Variants in MALRD1 observed in about 807,000 individuals in gnomAD.
The protein encoded by MALRD1 is MAM and LDL receptor class A domain containing 1.
A neutral mutation model predicts 242.1 loss-of-function variants in MALRD1; 247 were observed. That is an observed-to-expected ratio of 1.02 (90% CI 0.92 to 1.13). The LOEUF (loss-of-function observed/expected upper bound fraction) is 1.13, where lower values mean the gene tolerates loss of function less well. Among genes scored for constraint, MALRD1 ranks in the 50% most tolerant of loss-of-function variants. The pLI is 0.00. For missense variants in MALRD1, 2,989 were observed against 2,533.1 expected (o/e 1.18, Z -3.86); for synonymous variants, 995 against 866.6 (o/e 1.15, Z -2.60).
At chr10:19,605,523 C>G (rs59652336) in intron 34 of MALRD1, among the ~76,000 whole-genome samples, 1 of 144,722 alleles carries the variant, frequency 6.9e-6, no homozygotes, top group Admixed American at 7.0e-5. Flanking sequence ...GTGCTACTTC[C>G]TTATCCAACC....
At chr10:19,165,428 G>A (rs909592870) in intron 12 of MALRD1, among the ~76,000 whole-genome samples, 7 of 151,178 alleles carry the variant, frequency 4.6e-5, no homozygotes, top group Non-Finnish European at 7.4e-5. Context: ...TCAGCCTTCC[G>A]AATAGCTGGG....
At chr10:19,703,863 C>G (rs1164979022) in intron 38 of MALRD1, among the ~76,000 whole-genome samples, 1 of 151,806 alleles carries the variant, frequency 6.6e-6, no homozygotes, top group African/African-American at 2.4e-5. Flanking sequence ...CCACTGCACT[C>G]CAGTCTAGGT....
chr10:19,317,902 C>G (rs574383133), intron 21 of MALRD1, among the ~76,000 whole-genome samples: 1 of 152,026 alleles, frequency 6.6e-6, no homozygotes, highest in Non-Finnish European at 1.5e-5. Flanking sequence ...CACCTTGGAT[C>G]CTTACTTTTG....
intron 33 of MALRD1, among the ~76,000 whole-genome samples, chr10:19,580,031 T>A (rs186219570): frequency 6.6e-6 from 1 of 152,314 alleles, no homozygotes; most frequent in East Asian, 1.9e-4. Context: ...TATGTCAGAC[T>A]GGGAACTATA....
At chr10:19,502,021 A>G (rs1366647238) in intron 31 of MALRD1, among the ~76,000 whole-genome samples, 1 of 114,088 alleles carries the variant, frequency 8.8e-6, no homozygotes, top group Non-Finnish European at 1.7e-5. Flanking sequence ...TCAAAAAAAA[A>G]AAAAGAAAAG....
At chr10:19,127,780 T>C (rs1837328463) in intron 7 of MALRD1, among the ~76,000 whole-genome samples, 1 of 152,096 alleles carries the variant, frequency 6.6e-6, no homozygotes, top group African/African-American at 2.4e-5. Flanking sequence ...TAAGTTGTAT[T>C]TCCTAAAACT....
chr10:19,692,427 A>G, intron 37 of MALRD1, 31 bp from the exon 38 acceptor site: 2 of 1,532,260 alleles, frequency 1.3e-6, no homozygotes, highest in Non-Finnish European at 1.7e-6. Flanking sequence ...TTCACTGCAT[A>G]TTTATCTTTT....
rs1307284562 is a variant in MALRD1 at position 19,595,425 on chromosome 10, A to G, written c.5912A>G (p.Asp1971Gly). Residue 1971 changes from aspartate to glycine, a missense_variant, in exon 34 of 40, where the codon GAC becomes GGC. Asp to Gly is a moderately conservative substitution (Grantham distance 94). Coordinates refer to ENST00000454679, the MANE Select transcript of MALRD1 (RefSeq NM_001142308.3). ...PSLLLCDGVPDCHFNEDELIC... is the reference protein window; with the variant it reads ...PSLLLCDGVPGCHFNEDELIC... Reference sequence around the variant, plus strand: ...CTCCTGCTATGCGATGGAGTGCCCGACTGCCACTTTAATGAAGATGAGCTC... The same window carrying G: ...CTCCTGCTATGCGATGGAGTGCCCGGCTGCCACTTTAATGAAGATGAGCTC... 29 of 1,550,204 alleles carry G rather than the reference A, an allele frequency of 1.9e-5. No individual in the cohort carries two copies. The highest frequency in any genetic ancestry group is 2.4e-5 in the Non-Finnish European group (28 of 1,146,772).
intron 38 of MALRD1, among the ~76,000 whole-genome samples, chr10:19,712,817 A>G (rs1296809392): frequency 4.6e-5 from 7 of 152,182 alleles, no homozygotes; most frequent in African/African-American, 1.7e-4. Context: ...AGAAAAGACT[A>G]TTTTTAGAAG....
At chr10:19,495,588 G>A (rs1837678153) in intron 30 of MALRD1, among the ~76,000 whole-genome samples, 1 of 152,066 alleles carries the variant, frequency 6.6e-6, no homozygotes, top group African/African-American at 2.4e-5. Flanking sequence ...CCTTAAAAGA[G>A]CTTCTGAAGA....
intron 36 of MALRD1, among the ~76,000 whole-genome samples, chr10:19,625,145 A>G (rs1839594084): frequency 2.0e-5 from 3 of 152,222 alleles, no homozygotes; most frequent in Admixed American, 6.5e-5. Context: ...TAGAGTCCAG[A>G]TTCAAACCTA....
intron 28 of MALRD1, among the ~76,000 whole-genome samples, chr10:19,424,799 G>C (rs1833841250): frequency 6.6e-6 from 1 of 151,948 alleles, no homozygotes; most frequent in Non-Finnish European, 1.5e-5. Flanking sequence ...AAAAGCAGTA[G>C]AATCCTGACC....
rs777760799 is a variant in MALRD1, at chr10:19,146,312, C to G, written c.1526C>G (p.Pro509Arg). Residue 509 changes from proline (P) to arginine (R), a missense_variant, in exon 11 of 40, where the codon CCT becomes CGT. Coordinates refer to ENST00000454679, the MANE Select transcript of MALRD1 (RefSeq NM_001142308.3). ...TTGAATAATGGAGAGCACCACTTTC[C>G]TGCAGCTGATCACACAGCAAACATA... is the stretch of plus-strand genomic sequence containing the variant. ...KGLNNGEHHF[P>R]AADHTANINH... The G allele has an allele frequency of 1.0e-4, 125 of 1,231,512 alleles. No individual in the cohort carries two copies. The highest frequency in any genetic ancestry group is 1.1e-4 in the Non-Finnish European group (111 of 987,910). 76.3% of individuals were successfully genotyped at this position (1,231,512 alleles called of 1,614,324 possible).
At chr10:19,299,643 T>C (rs1478179731) in intron 21 of MALRD1, among the ~76,000 whole-genome samples, 2 of 152,038 alleles carry the variant, frequency 1.3e-5, no homozygotes, top group African/African-American at 4.8e-5. Context: ...TCTCAATAGA[T>C]GCAGAAAAGG....
intron 8 of MALRD1, among the ~76,000 whole-genome samples, chr10:19,132,654 T>G (rs1415966071): frequency 1.3e-5 from 2 of 152,278 alleles, no homozygotes; most frequent in East Asian, 3.9e-4. Context: ...CCGTTTTCTA[T>G]CTCATGCTAG....
intron 2 of MALRD1, among the ~76,000 whole-genome samples, chr10:19,075,891 G>A (rs537657753): frequency 6.6e-6 from 1 of 152,114 alleles, no homozygotes; most frequent in Non-Finnish European, 1.5e-5. Context: ...TTTAGGGGAA[G>A]AAAGGTTTAT....
At chr10:19,429,990 C>G (rs1252497600) in intron 28 of MALRD1, among the ~76,000 whole-genome samples, 1 of 152,022 alleles carries the variant, frequency 6.6e-6, no homozygotes, top group East Asian at 1.9e-4. Context: ...CTTTAACTCA[C>G]TATTGATGTT....
chr10:19,162,866 T>C (rs1834493209), intron 12 of MALRD1, among the ~76,000 whole-genome samples: 1 of 151,998 alleles, frequency 6.6e-6, no homozygotes, highest in Admixed American at 6.6e-5. Context: ...GTGCAGTGGC[T>C]CACGCCTGTA....
intron 36 of MALRD1, among the ~76,000 whole-genome samples, chr10:19,663,102 G>A (rs980937421): frequency 6.6e-6 from 1 of 151,994 alleles, no homozygotes; most frequent in African/African-American, 2.4e-5. Context: ...CAAAGTCTAG[G>A]CTTTTAGTTT....
Sources: gnomAD v4.1 joint callset for allele counts (sites outside exome capture counted in the v4.1 genomes callset) on GRCh38, gnomAD v4.1.1 for gene constraint, MANE v1.5 for transcripts, NCBI Gene and HGNC (gene_info 2026-07-23, HGNC 2026-07-21) for gene names.